MAP3K5: variants seen among roughly 807,000 people sequenced by gnomAD.
The protein encoded by MAP3K5 is ASK-1.
In MAP3K5, 56 loss-of-function variants were observed where a neutral mutation model predicts 158.7. That is an observed-to-expected ratio of 0.35 (90% CI 0.28 to 0.44). The LOEUF is 0.44. Among genes scored for constraint, MAP3K5 ranks in the 20% least tolerant of loss-of-function variants. The pLI is 1.00. For synonymous variants in MAP3K5, 579 were observed against 601.7 expected (o/e 0.96, Z 0.55); for missense variants, 1,294 against 1,674.8 (o/e 0.77, Z 3.97).
chr6:136,605,314 G>A lies in MAP3K5; in HGVS notation c.2574C>T (p.Tyr858=), dbSNP rs747262517. 43 of 1,613,840 alleles carry A rather than the reference G, an allele frequency of 2.7e-5. No homozygotes were observed. Among genetic ancestry groups the A allele is most frequent in the Admixed American group, 1.5e-4 (9 of 59,988 alleles). The change falls in exon 19 of 30, where the codon TAC becomes TAT. Residue 858 remains tyrosine, a synonymous_variant. Coordinates refer to ENST00000359015, the MANE Select transcript of MAP3K5 (RefSeq NM_005923.4). The part of the protein sequence containing the change: ...PEIIDKGPRG[Y]GKAADIWSLG... ...GAGACCAGATGTCTGCTGCTTTTCCGTAGCCTCTTGGTCCTTTATCTATTA... is the reference window on the plus strand; with the variant it reads ...GAGACCAGATGTCTGCTGCTTTTCCATAGCCTCTTGGTCCTTTATCTATTA...
rs374668171 is a variant in MAP3K5 at position 136,622,997 on chromosome 6, C to T, written c.2017-16G>A. 100 of 1,610,838 alleles carry T rather than the reference C, an allele frequency of 6.2e-5. No individual in the cohort carries two copies. Among genetic ancestry groups the T allele is most frequent in the Admixed American group, 2.0e-4 (12 of 59,492 alleles). ...CATAGTCATACTACAAAAGGAAAAA[C>T]GGGGAGAAAAGATCAAAACATTAGT... On this transcript the variant is annotated splice_polypyrimidine_tract_variant and intron_variant, in intron 14 of 29. Transcript: ENST00000359015.
Position 136,761,305 on chromosome 6 carries a change from A to AC in MAP3K5, c.448+30404_448+30405insG, listed in dbSNP as rs555060561. Among the ~76,000 whole-genome samples the AC allele has an allele frequency of 6.8e-3, 1,033 of 151,628 alleles. 22 individuals are homozygous for AC. The highest frequency in any genetic ancestry group is 0.05 in the South Asian group (240 of 4,792). On this transcript the variant is annotated intron_variant, in intron 1 of 29. Coordinates refer to ENST00000359015, the MANE Select transcript of MAP3K5 (RefSeq NM_005923.4). ...CCTAACTTTAAAAAAAAAAAAAAAAAAACGAACAGTCAGCCAGGAGGCTGG... is the reference window on the plus strand; with the variant it reads ...CCTAACTTTAAAAAAAAAAAAAAAAACAACGAACAGTCAGCCAGGAGGCTGG...
intron 24 of MAP3K5, among the ~76,000 whole-genome samples, chr6:136,583,249 TAA>T (rs1197428826): frequency 6.6e-6 from 1 of 152,232 alleles, no homozygotes; most frequent in Non-Finnish European, 1.5e-5. Context: ...GTTACGTTGC[TAA>T]AGTTGTCAAA....
At chr6:136,787,995 T>C (rs1221678289) in intron 1 of MAP3K5, among the ~76,000 whole-genome samples, 1 of 152,220 alleles carries the variant, frequency 6.6e-6, no homozygotes, top group African/African-American at 2.4e-5. Context: ...TTGTGAGGTA[T>C]ATGAAGTTCA....
intron 10 of MAP3K5, among the ~76,000 whole-genome samples, chr6:136,652,546 G>T (rs914465968): frequency 6.6e-6 from 1 of 152,024 alleles, no homozygotes; most frequent in African/African-American, 2.4e-5. Flanking sequence ...TCTGAGTATC[G>T]CAATGTATAT....
chr6:136,605,509 G>T, intron 18 of MAP3K5, 143 bp from the exon 19 acceptor site: 1 of 661,700 alleles, frequency 1.5e-6, no homozygotes, highest in Non-Finnish European at 2.5e-6. Context: ...GTGAGTTCCA[G>T]TTTTCTCTGC....
chr6:136,591,809 C>G (rs1775399008), intron 23 of MAP3K5, among the ~76,000 whole-genome samples: 1 of 152,130 alleles, frequency 6.6e-6, no homozygotes, highest in Admixed American at 6.5e-5. Flanking sequence ...TAGCCTCATG[C>G]TAATGTCAGA....
chr6:136,637,533 C>T (rs1234913869), intron 13 of MAP3K5, 127 bp from the exon 14 acceptor site: 1 of 643,318 alleles, frequency 1.6e-6, no homozygotes, highest in Non-Finnish European at 2.8e-6. Flanking sequence ...GGCAATAACA[C>T]ACTATCAAGA....
chr6:136,597,706 C>A (rs1775693725), intron 21 of MAP3K5, among the ~76,000 whole-genome samples: 1 of 152,194 alleles, frequency 6.6e-6, no homozygotes, highest in Non-Finnish European at 1.5e-5. Flanking sequence ...TAGCTATATT[C>A]CTAGTGCCTT....
intron 25 of MAP3K5, among the ~76,000 whole-genome samples, chr6:136,568,284 T>C (rs1300206771): frequency 6.6e-6 from 1 of 152,230 alleles, no homozygotes. Context: ...TTAACTTGCT[T>C]ACAGATAAGG....
At chr6:136,737,033 G>GTACATATATATA (rs796790486) in intron 1 of MAP3K5, among the ~76,000 whole-genome samples, 21 of 112,018 alleles carry the variant, frequency 1.9e-4, no homozygotes, top group Admixed American at 3.9e-4. Context: ...ATATATATGT[G>GTACATATATATA]TGTGTATATA....
chr6:136,750,885 G>C (rs1439197399), intron 1 of MAP3K5, among the ~76,000 whole-genome samples: 2 of 152,034 alleles, frequency 1.3e-5, no homozygotes, highest in African/African-American at 4.8e-5. Context: ...TTAGTATTTC[G>C]GGATGTCAAA....
intron 1 of MAP3K5, among the ~76,000 whole-genome samples, chr6:136,736,009 AT>A (rs1046061053): frequency 2.0e-5 from 3 of 151,464 alleles, no homozygotes; most frequent in Non-Finnish European, 4.4e-5. Flanking sequence ...GAAAATCAGT[AT>A]TTTTTTTTCT....
intron 1 of MAP3K5, among the ~76,000 whole-genome samples, chr6:136,742,404 G>A (rs1782747715): frequency 6.6e-6 from 1 of 151,264 alleles, no homozygotes; most frequent in African/African-American, 2.4e-5. Flanking sequence ...TCAACAAACG[G>A]TGCTGGAACA....
chr6:136,628,423 T>TA (rs1777148079), intron 14 of MAP3K5, among the ~76,000 whole-genome samples: 1 of 151,820 alleles, frequency 6.6e-6, no homozygotes, highest in Non-Finnish European at 1.5e-5. Flanking sequence ...TTTTTTTTTT[T>TA]AAAGAGATGG....
At chr6:136,679,805 C>T (rs1289954246) in intron 7 of MAP3K5, among the ~76,000 whole-genome samples, 4 of 152,016 alleles carry the variant, frequency 2.6e-5, no homozygotes, top group Admixed American at 6.6e-5. Context: ...TGGGTATATA[C>T]TTAAAATAAT....
chr6:136,596,479 A>C (rs1775635916), intron 21 of MAP3K5, among the ~76,000 whole-genome samples: 1 of 152,142 alleles, frequency 6.6e-6, no homozygotes, highest in East Asian at 1.9e-4. Flanking sequence ...CAAGACGGGA[A>C]GCTGTGATGT....
intron 3 of MAP3K5, among the ~76,000 whole-genome samples, chr6:136,702,838 G>A (rs1033273975): frequency 6.6e-6 from 1 of 152,168 alleles, no homozygotes; most frequent in African/African-American, 2.4e-5. Context: ...TGGGATTACA[G>A]GCATGCGCCA....
intron 1 of MAP3K5, among the ~76,000 whole-genome samples, chr6:136,724,547 C>A (rs1781884399): frequency 6.6e-6 from 1 of 151,956 alleles, no homozygotes. Context: ...TGTGCCCAGC[C>A]TAGACATTTA....
Sources: gnomAD v4.1 joint callset for allele counts (sites outside exome capture counted in the v4.1 genomes callset) on GRCh38, gnomAD v4.1.1 for gene constraint, MANE v1.5 for transcripts, NCBI Gene and HGNC (gene_info 2026-07-23, HGNC 2026-07-21) for gene names.